Variants in IL19 observed in about 807,000 individuals in gnomAD.
IL19 encodes interleukin-19.
In IL19, 15 loss-of-function variants were observed where a neutral mutation model predicts 19.5. The observed-to-expected ratio is 0.77, with a 90% CI of 0.52 to 1.19. IL19 has a LOEUF of 1.19. Among genes scored for constraint, IL19 ranks in the 50% most tolerant of loss-of-function variants. The pLI is 0.00. For synonymous variants in IL19, 78 were observed against 78.3 expected, an observed-to-expected ratio of 1.00 and a Z score of 0.02; for missense variants, 199 against 213.1, an observed-to-expected ratio of 0.93 and a Z score of 0.41.
intron 1 of IL19, among the ~76,000 whole-genome samples, chr1:206,786,768 G>C (rs1212301686): frequency 6.6e-6 from 1 of 152,092 alleles, no homozygotes; most frequent in Non-Finnish European, 1.5e-5. Context: ...CTTCTCCCCA[G>C]TACTTCCCAG....
At chr1:206,806,678 C>T (rs1252697334) in intron 2 of IL19, among the ~76,000 whole-genome samples, 2 of 152,144 alleles carry the variant, frequency 1.3e-5, no homozygotes, top group Non-Finnish European at 2.9e-5. Context: ...CAAATTATCA[C>T]CCAGTCCTAT....
intron 2 of IL19, among the ~76,000 whole-genome samples, chr1:206,817,111 A>T (rs1676176831): frequency 6.6e-6 from 1 of 152,244 alleles, no homozygotes; most frequent in Non-Finnish European, 1.5e-5. Flanking sequence ...GTTGGAACCA[A>T]GATGGCCTAC....
chr1:206,814,724 AC>A lies in IL19; in HGVS notation c.-3+15719del, dbSNP rs1331673592. ...CACACACACACACACACACACACACACAATTCACTTTGAACATATGCAGAGT... is the reference window on the plus strand; with the variant it reads ...CACACACACACACACACACACACACAAATTCACTTTGAACATATGCAGAGT... On this transcript the variant is annotated intron_variant, in intron 2 of 6. Coordinates refer to ENST00000659997, the MANE Select transcript of IL19 (RefSeq NM_153758.5). Among the ~76,000 whole-genome samples, 1,101 of 148,132 alleles carry A rather than the reference AC, an allele frequency of 7.4e-3. 23 individuals carry two copies. The highest frequency in any genetic ancestry group is 0.027 in the African/African-American group (1,024 of 38,534).
intron 2 of IL19, among the ~76,000 whole-genome samples, chr1:206,823,854 T>A (rs2102476339): frequency 6.6e-6 from 1 of 152,302 alleles, no homozygotes; most frequent in South Asian, 2.1e-4. Flanking sequence ...CCAAGGCCTG[T>A]TGGAGGTTTC....
At chr1:206,817,334 G>T (rs1418545139) in intron 2 of IL19, among the ~76,000 whole-genome samples, 1 of 152,128 alleles carries the variant, frequency 6.6e-6, no homozygotes, top group Non-Finnish European at 1.5e-5. Context: ...AATAAATATT[G>T]TCTTGAAGCC....
chr1:206,815,026 T>C (rs1201583967), intron 2 of IL19, among the ~76,000 whole-genome samples: 1 of 152,216 alleles, frequency 6.6e-6, no homozygotes, highest in Admixed American at 6.5e-5. Flanking sequence ...AGGTCATTTC[T>C]GTTCCATATA....
At chr1:206,830,303 A>T (rs1445932377) in intron 2 of IL19, among the ~76,000 whole-genome samples, 1 of 152,144 alleles carries the variant, frequency 6.6e-6, no homozygotes, top group Non-Finnish European at 1.5e-5. Context: ...TCCAAATATC[A>T]CAATAAAGGA....
At chr1:206,785,208 A>T (rs912321277) in intron 1 of IL19, among the ~76,000 whole-genome samples, 1 of 152,214 alleles carries the variant, frequency 6.6e-6, no homozygotes, top group African/African-American at 2.4e-5. Flanking sequence ...TCCTTGAAGG[A>T]GGGTCCATGC....
At chr1:206,824,771 C>T (rs757089539) in intron 2 of IL19, among the ~76,000 whole-genome samples, 9 of 152,164 alleles carry the variant, frequency 5.9e-5, no homozygotes, top group Non-Finnish European at 8.8e-5. Context: ...AGAAAAAAAT[C>T]TTTTTTTTGA....
chr1:206,834,812 C>T (rs191246918), intron 2 of IL19, among the ~76,000 whole-genome samples: 29 of 152,220 alleles, frequency 1.9e-4, no homozygotes, highest in Middle Eastern at 3.4e-3. Context: ...ACTGGGATCC[C>T]AGGCTATGAT....
At chr1:206,781,305 G>C (rs527686982) in intron 1 of IL19, among the ~76,000 whole-genome samples, 3 of 150,710 alleles carry the variant, frequency 2.0e-5, no homozygotes, top group African/African-American at 7.3e-5. Flanking sequence ...TTAGCTGGGC[G>C]TGGTGAGGCT....
In IL19 at chr1:206,839,854, T is replaced by C. The variant is rs1396823913; in HGVS notation, c.215T>C (p.Leu72Ser). Residue 72 changes from leucine (L) to serine (S), a missense_variant, in exon 5 of 7, where the codon TTA becomes TCA. Transcript: ENST00000659997. ...TTCCCTAATTTGTGTTTGTAGCCCT[T>C]AGATGTGTGCTGCGTGACCAAGAAC... is the stretch of plus-strand genomic sequence containing the variant. ...TLETLQIIKP[L>S]DVCCVTKNLL... The C allele has an allele frequency of 6.2e-7, 1 of 1,612,908 alleles. No homozygotes were observed. Among genetic ancestry groups the C allele is most frequent in the South Asian group, 1.1e-5 (1 of 90,826 alleles).
intron 2 of IL19, among the ~76,000 whole-genome samples, chr1:206,833,256 A>G (rs1676671728): frequency 6.6e-6 from 1 of 152,266 alleles, no homozygotes; most frequent in African/African-American, 2.4e-5. Context: ...TAGAGGAAGC[A>G]GAAACAGAGA....
intron 2 of IL19, among the ~76,000 whole-genome samples, chr1:206,809,957 G>A (rs1379647872): frequency 2.0e-4 from 30 of 152,166 alleles, no homozygotes; most frequent in African/African-American, 6.8e-4. Context: ...ACTTGGGGCA[G>A]TTTCCTTCAA....
intron 1 of IL19, among the ~76,000 whole-genome samples, chr1:206,781,166 C>T (rs1345317513): frequency 6.6e-6 from 1 of 151,960 alleles, no homozygotes; most frequent in East Asian, 1.9e-4. Context: ...AGGAGAGGGG[C>T]CAGGCGCGGT....
chr1:206,817,216 G>T (rs1378022545), intron 2 of IL19, among the ~76,000 whole-genome samples: 1 of 152,154 alleles, frequency 6.6e-6, no homozygotes, highest in Non-Finnish European at 1.5e-5. Context: ...TGAGACCTGT[G>T]ATCTAGCATG....
intron 1 of IL19, among the ~76,000 whole-genome samples, chr1:206,786,983 A>G (rs1269552934): frequency 6.6e-6 from 1 of 151,866 alleles, no homozygotes; most frequent in Admixed American, 6.6e-5. Flanking sequence ...GCAAAACTCC[A>G]CTCTCACAAA....
intron 1 of IL19, among the ~76,000 whole-genome samples, chr1:206,790,834 C>T (rs1165330915): frequency 6.6e-6 from 1 of 152,216 alleles, no homozygotes; most frequent in African/African-American, 2.4e-5. Flanking sequence ...ATCTGCTTAG[C>T]ACATGCCTCA....
chr1:206,840,267 G>A (rs765048406), intron 5 of IL19: 221 of 615,280 alleles, frequency 3.6e-4, no homozygotes, highest in Non-Finnish European at 3.8e-4. Context: ...TCCTTAGTAA[G>A]AGGCATGGCA....
Sources: gnomAD v4.1 joint callset for allele counts (sites outside exome capture counted in the v4.1 genomes callset) on GRCh38, gnomAD v4.1.1 for gene constraint, MANE v1.5 for transcripts, NCBI Gene and HGNC (gene_info 2026-07-23, HGNC 2026-07-21) for gene names.